Variants in KCNG3 observed in about 807,000 individuals in gnomAD.
The protein encoded by KCNG3 is potassium voltage-gated channel modifier subfamily G member 3, also known as voltage-gated potassium channel regulatory subunit KCNG3.
Under a neutral mutation model 29.0 loss-of-function variants are expected in KCNG3, and 15 were observed. The observed-to-expected ratio is 0.52, with a 90% CI of 0.35 to 0.80. KCNG3 has a LOEUF of 0.80. KCNG3 is among the 30% of genes least tolerant of loss of function. The pLI, the probability that KCNG3 is intolerant of heterozygous loss-of-function variation, is 0.01. For synonymous variants in KCNG3, 322 were observed against 248.9 expected (o/e 1.29, Z -2.76); for missense variants, 512 against 605.7 (o/e 0.85, Z 1.62).
chr2:42,441,813 C>CA (rs1672492962), downstream of KCNG3, among the ~76,000 whole-genome samples: 1 of 15,620 alleles, frequency 6.4e-5, no homozygotes, highest in Non-Finnish European at 1.9e-4. Context: ...TATATATATA[C>CA]CTATAGGTAT....
At chr2:42,404,770 G>A in the KCNG3 span, among the ~76,000 whole-genome samples, 4 of 152,108 alleles carry the variant, frequency 2.6e-5, no homozygotes, top group South Asian at 2.1e-4. Context: ...TGCTGCCACT[G>A]GGGGAGTATA....
chr2:42,406,531 T>G, the KCNG3 span, among the ~76,000 whole-genome samples: 1 of 149,110 alleles, frequency 6.7e-6, no homozygotes, highest in South Asian at 2.2e-4. Context: ...AATGCATTAT[T>G]AAGAGGTGAG....
In KCNG3 at chr2:42,493,207, T is replaced by C. The variant is rs762658628; in HGVS notation, c.295A>G (p.Ile99Val). ...MCELSFYNEM[I>V]YWGLEGAHLE... is the part of the protein sequence containing the mutation. ...TGCGCGCCCTCCAGGCCCCAGTAGA[T>C]CATCTCGTTGTAGAAGGAGAGCTCG... The change falls in exon 1 of 2, where the codon ATC becomes GTC. Residue 99 changes from isoleucine to valine, a missense_variant. Ile to Val is a conservative substitution (Grantham distance 29). This residue lies in a region of KCNG3 where 228 missense variants were observed against 200.0 expected (regional missense o/e 1.14). Transcript: ENST00000306078. 8.7e-6 allele frequency: 14 copies of C among 1,611,090 alleles called. No individual in the cohort carries two copies. The highest frequency in any genetic ancestry group is 1.2e-5 in the Non-Finnish European group (14 of 1,179,862).
chr2:42,402,008 AGGGTGTTTATGG>A, the KCNG3 span, among the ~76,000 whole-genome samples: 1 of 152,150 alleles, frequency 6.6e-6, no homozygotes, highest in South Asian at 2.1e-4. Flanking sequence ...ATTATTTTTG[AGGGTGTTTATGG>A]GGGTGTTTAT....
At chr2:42,459,222 A>C (rs1458896155) in intron 1 of KCNG3, among the ~76,000 whole-genome samples, 1 of 149,916 alleles carries the variant, frequency 6.7e-6, no homozygotes, top group Non-Finnish European at 1.5e-5. Flanking sequence ...AAATAGAGAG[A>C]GTGAGAAGAC....
chr2:42,493,385 G>T lies in KCNG3; in HGVS notation c.117C>A (p.His39Gln). ...DFPLRRVSRL[H>Q]GCRSERDVLE... Reference sequence around the variant, plus strand: ...GCACGTCGCGCTCGGAGCGGCAGCCGTGCAGCCGGCTCACGCGGCGCAGCG... The same window carrying T: ...GCACGTCGCGCTCGGAGCGGCAGCCTTGCAGCCGGCTCACGCGGCGCAGCG... The change falls in exon 1 of 2, where the codon CAC becomes CAA. Residue 39 changes from histidine (H) to glutamine (Q), a missense_variant. His to Gln is a conservative substitution (Grantham distance 24, BLOSUM62 0). Transcript: ENST00000306078. 1 of 1,538,044 alleles carries T rather than the reference G, an allele frequency of 6.5e-7. No homozygotes were observed. The highest frequency in any genetic ancestry group is 8.7e-7 in the Non-Finnish European group (1 of 1,143,350).
chr2:42,470,227 G>T, intron 1 of KCNG3: 1 of 418,648 alleles, frequency 2.4e-6, no homozygotes, highest in East Asian at 5.3e-5. Flanking sequence ...CTCCCAATTG[G>T]AAATATGAGT....
At chr2:42,429,113 C>T in the KCNG3 span, among the ~76,000 whole-genome samples, 7 of 151,212 alleles carry the variant, frequency 4.6e-5, no homozygotes, top group African/African-American at 1.5e-4. Context: ...AGCAAGACTC[C>T]ATCTCAAAAA....
rs563500250 is a variant in KCNG3, at chr2:42,478,930, G to A, written c.665+13907C>T. 2.0e-5 allele frequency among the ~76,000 whole-genome samples: 3 copies of A among 151,124 alleles called. No individual in the cohort carries two copies. In the East Asian group the frequency reaches 5.9e-4, roughly 30 times the overall value. On this transcript the variant is annotated intron_variant, in intron 1 of 1. Transcript: ENST00000306078. ...GTTGAGTATCTCTTCTAATATGGTT[G>A]GGACTAGAAGTATTTCAGAGTTTGA...
At chr2:42,474,500 C>G (rs950634447) in intron 1 of KCNG3, among the ~76,000 whole-genome samples, 5 of 152,124 alleles carry the variant, frequency 3.3e-5, no homozygotes, top group African/African-American at 4.8e-5. Context: ...TGCACTCTAG[C>G]CTGGTGACAG....
chr2:42,452,939 G>A (rs963736592), intron 1 of KCNG3, among the ~76,000 whole-genome samples: 7 of 152,132 alleles, frequency 4.6e-5, no homozygotes, highest in African/African-American at 1.7e-4. Flanking sequence ...ATGCTACCAT[G>A]CCGGGGTAAT....
chr2:42,490,788 T>A (rs1243168796), intron 1 of KCNG3, among the ~76,000 whole-genome samples: 2 of 152,140 alleles, frequency 1.3e-5, no homozygotes, highest in Non-Finnish European at 1.5e-5. Context: ...CAAAATATGG[T>A]CAAATAATGA....
the KCNG3 span, among the ~76,000 whole-genome samples, chr2:42,389,184 C>T: frequency 6.6e-6 from 1 of 152,186 alleles, no homozygotes; most frequent in East Asian, 1.9e-4. Flanking sequence ...TCCCAAAGTG[C>T]TAGGATTATA....
At chr2:42,483,810 G>A (rs775825775) in intron 1 of KCNG3, among the ~76,000 whole-genome samples, 2 of 152,024 alleles carry the variant, frequency 1.3e-5, no homozygotes, top group East Asian at 3.9e-4. Flanking sequence ...CTTTCTTTTC[G>A]AGACAGGGTC....
chr2:42,391,654 G>A, the KCNG3 span, among the ~76,000 whole-genome samples: 1 of 135,652 alleles, frequency 7.4e-6, no homozygotes, highest in Non-Finnish European at 1.5e-5. Flanking sequence ...CCAGGCTGGA[G>A]TGCAGTGGCG....
chr2:42,428,701 A>T, the KCNG3 span, among the ~76,000 whole-genome samples: 1 of 152,316 alleles, frequency 6.6e-6, no homozygotes, highest in East Asian at 1.9e-4. Context: ...AGCTTAATAA[A>T]TAATAACAAT....
chr2:42,432,950 A>C, the KCNG3 span, among the ~76,000 whole-genome samples: 9 of 141,172 alleles, frequency 6.4e-5, no homozygotes, highest in Non-Finnish European at 1.2e-4. Context: ...AAAAAAAAAC[A>C]AAAAAACAAA....
At chr2:42,486,454 C>G (rs1673729455) in intron 1 of KCNG3, among the ~76,000 whole-genome samples, 1 of 152,224 alleles carries the variant, frequency 6.6e-6, no homozygotes, top group South Asian at 2.1e-4. Flanking sequence ...CTTTCATCTG[C>G]TTAAAACCTT....
intron 1 of KCNG3, among the ~76,000 whole-genome samples, chr2:42,488,921 C>CATTTCAAACAA (rs1187475417): frequency 1.4e-4 from 21 of 151,906 alleles, no homozygotes; most frequent in African/African-American, 5.1e-4. Context: ...GTTATATAAA[C>CATTTCAAACAA]AATAGATATT....
Sources: allele counts gnomAD v4.1 joint callset (sites outside exome capture counted in the v4.1 genomes callset), GRCh38; gene constraint gnomAD v4.1.1; regional missense constraint gnomAD v4.1.1; transcripts MANE v1.5; gene names NCBI Gene and HGNC (gene_info 2026-07-23, HGNC 2026-07-21).